The following DOCK10 variants were observed in gnomAD, a reference collection of about 807,000 sequenced individuals.
DOCK10 encodes the protein dedicator of cytokinesis 10.
Under a neutral mutation model 280.1 loss-of-function variants are expected in DOCK10, and 145 were observed. That is an observed-to-expected ratio of 0.52 (90% confidence interval 0.45 to 0.59). The LOEUF is 0.59. DOCK10 is among the 20% of genes least tolerant of loss of function. The pLI, the probability that DOCK10 is intolerant of heterozygous loss-of-function variation, is 0.00. For synonymous variants in DOCK10, 915 were observed against 942.2 expected, an observed-to-expected ratio of 0.97 and a Z score of 0.53; for missense variants, 2,368 against 2,651.7, an observed-to-expected ratio of 0.89 and a Z score of 2.35.
chr2:224,905,435 G>A (rs59461052), intron 3 of DOCK10, among the ~76,000 whole-genome samples: 20,337 of 151,078 alleles, frequency 0.13, 3,765 homozygotes, highest in African/African-American at 0.43. Context: ...ATTTTTAGTA[G>A]AGACGGGGTT....
Position 225,019,816 on chromosome 2 carries a change from A to T in DOCK10, c.123+22436T>A, listed in dbSNP as rs548252223. Among the ~76,000 whole-genome samples, 7 of 152,280 alleles carry T rather than the reference A, an allele frequency of 4.6e-5. No individual in the cohort carries two copies. In the East Asian group the frequency reaches 1.4e-3, roughly 29 times the overall value. ...TCATTATACAAAGCATGGTCTACTG[A>T]TTTCATGATTCTTAAGTTAAAAATC... On this transcript the variant is annotated intron_variant, in intron 1 of 55. Transcript: ENST00000258390.
Position 224,805,186 on chromosome 2 carries a change from A to C in DOCK10, c.4051+20T>G, listed in dbSNP as rs373453961. ...GTTTTCTTTTTCCTTTTTTCAAAAAAATTAAAGAATTCTCTTTACCGTACG... is the reference window on the plus strand; with the variant it reads ...GTTTTCTTTTTCCTTTTTTCAAAAACATTAAAGAATTCTCTTTACCGTACG... On this transcript the variant is annotated intron_variant, in intron 36 of 55. Coordinates refer to ENST00000258390, the MANE Select transcript of DOCK10 (RefSeq NM_014689.3). This position sits in a 1 kb window ranked among gnomAD's most constrained non-coding sequence, Gnocchi z 4.3. 6.2e-7 allele frequency: 1 copy of C among 1,600,218 alleles called. No homozygotes were observed. The highest frequency in any genetic ancestry group is 1.4e-5 in the African/African-American group (1 of 73,638).
chr2:225,001,433 G>A (rs1381611674), intron 1 of DOCK10, among the ~76,000 whole-genome samples: 2 of 151,886 alleles, frequency 1.3e-5, no homozygotes, highest in Non-Finnish European at 2.9e-5. Context: ...GGGACTACAG[G>A]TGCCCGCCAC....
At chr2:225,036,274 A>T (rs540920727) in intron 1 of DOCK10, among the ~76,000 whole-genome samples, 171 of 152,256 alleles carry the variant, frequency 1.1e-3, no homozygotes, top group African/African-American at 4.0e-3. Context: ...GATGGAGGAG[A>T]GAATATAACA....
At chr2:224,835,180 A>T (rs1296114076) in intron 25 of DOCK10, among the ~76,000 whole-genome samples, 1 of 152,244 alleles carries the variant, frequency 6.6e-6, no homozygotes, top group East Asian at 1.9e-4. Context: ...GATGAAGTTA[A>T]TGGATGCATG....
chr2:224,856,300 T>C (rs1697142362), intron 15 of DOCK10, among the ~76,000 whole-genome samples: 1 of 152,184 alleles, frequency 6.6e-6, no homozygotes, highest in Non-Finnish European at 1.5e-5. Flanking sequence ...AAGAGTTTTT[T>C]TTTTATGTTT....
chr2:224,929,826 G>T (rs1388699247), intron 2 of DOCK10, among the ~76,000 whole-genome samples: 2 of 152,134 alleles, frequency 1.3e-5, no homozygotes, highest in Non-Finnish European at 2.9e-5. Context: ...CCTTGAAGTA[G>T]CATTTGACAT....
rs568083332 is a variant in DOCK10, at chr2:225,039,564, G to A, written c.123+2688C>T. On this transcript the variant is annotated intron_variant, in intron 1 of 55. Transcript: ENST00000258390. ...AAAAACTGACATCAAATTTGCTTTG[G>A]CATACACCTGTATTGTCCTCAACAA... Among the ~76,000 whole-genome samples the A allele has an allele frequency of 2.6e-5, 4 of 152,184 alleles. No homozygotes were observed. The South Asian group carries it at 8.3e-4, about 32-fold the overall frequency.
intron 1 of DOCK10, among the ~76,000 whole-genome samples, chr2:224,975,355 T>C (rs973695766): frequency 6.6e-6 from 1 of 152,206 alleles, no homozygotes; most frequent in East Asian, 1.9e-4. Flanking sequence ...CTCCATGTTA[T>C]ACCCATTTAT....
In DOCK10 at chr2:225,042,430, C is replaced by A; in HGVS notation, c.-56G>T. Reference sequence around the variant, plus strand: ...GGGGCGCGCCTCCCGCCGGTCTTCCCCGCGCCAACCTTCTCTATCCACCCG... The same window carrying A: ...GGGGCGCGCCTCCCGCCGGTCTTCCACGCGCCAACCTTCTCTATCCACCCG... On this transcript the variant is annotated 5_prime_UTR_variant, in exon 1 of 56. Transcript: ENST00000258390. This position sits in a 1 kb window ranked among gnomAD's most constrained non-coding sequence, Gnocchi z 5.1. 1 of 1,228,566 alleles carries A rather than the reference C, an allele frequency of 8.1e-7. No individual in the cohort carries two copies. Among genetic ancestry groups the A allele is most frequent in the Non-Finnish European group, 1.0e-6 (1 of 983,506 alleles). The allele number at this position is 1,228,566 out of a possible 1,614,324, so 76.1% of individuals were successfully genotyped here. A position where few individuals can be genotyped will look rare whatever the true frequency, so the allele number is the denominator to read the frequency against.
intron 1 of DOCK10, among the ~76,000 whole-genome samples, chr2:224,953,937 G>A (rs1288771106): frequency 1.3e-5 from 2 of 152,116 alleles, no homozygotes; most frequent in African/African-American, 2.4e-5. Context: ...CAGAGTGTGT[G>A]TGTGTGTGTG....
intron 3 of DOCK10, among the ~76,000 whole-genome samples, chr2:224,914,674 T>C (rs1472735246): frequency 1.3e-5 from 2 of 152,088 alleles, no homozygotes; most frequent in African/African-American, 2.4e-5. Context: ...ACACCATCTT[T>C]CATAAAGGAT....
intron 1 of DOCK10, among the ~76,000 whole-genome samples, chr2:224,997,750 C>T (rs1706315011): frequency 6.6e-6 from 1 of 152,066 alleles, no homozygotes; most frequent in African/African-American, 2.4e-5. Flanking sequence ...AAATTGAAGT[C>T]CAGGGCTATG....
At chr2:224,812,801 G>C (rs540208630) in intron 31 of DOCK10, among the ~76,000 whole-genome samples, 3 of 152,236 alleles carry the variant, frequency 2.0e-5, no homozygotes, top group South Asian at 4.1e-4. Context: ...ATTGATTTGC[G>C]TATGTTGAAC....
rs201977468 is a variant in DOCK10 at position 224,974,791 on chromosome 2, CTA to C, written c.124-43125_124-43124del. On this transcript the variant is annotated intron_variant, in intron 1 of 55. Coordinates refer to ENST00000258390, the MANE Select transcript of DOCK10 (RefSeq NM_014689.3). Reference sequence around the variant, plus strand: ...ATCCACTAAAGGTATAATGTTCTCTCTATATATATCATATATATTATATATAT... The same window carrying C: ...ATCCACTAAAGGTATAATGTTCTCTCTATATATCATATATATTATATATAT... Among the ~76,000 whole-genome samples the C allele has an allele frequency of 9.2e-3, 760 of 82,232 alleles. 21 individuals carry two copies. The highest frequency in any genetic ancestry group is 0.018 in the Non-Finnish European group (511 of 29,054). The allele number at this position is 82,232 out of a possible 152,430, so 53.9% of individuals were successfully genotyped here.
chr2:224,796,500 G>T, intron 43 of DOCK10, 74 bp from the exon 44 acceptor site: 1 of 900,780 alleles, frequency 1.1e-6, no homozygotes. Flanking sequence ...ACTGGGCTGG[G>T]TAAATGTATT....
chr2:224,975,980 C>T (rs1705414180), intron 1 of DOCK10, among the ~76,000 whole-genome samples: 2 of 152,064 alleles, frequency 1.3e-5, no homozygotes, highest in Non-Finnish European at 1.5e-5. Flanking sequence ...AAATCACCTC[C>T]CTATATTGCT....
At chr2:225,020,545 A>G (rs1689758249) in intron 1 of DOCK10, among the ~76,000 whole-genome samples, 1 of 152,244 alleles carries the variant, frequency 6.6e-6, no homozygotes, top group African/African-American at 2.4e-5. Flanking sequence ...CAAAAGTGAC[A>G]TTGATTGCTA....
intron 11 of DOCK10, among the ~76,000 whole-genome samples, chr2:224,870,246 G>GT (rs1420766559): frequency 6.6e-6 from 1 of 152,116 alleles, no homozygotes; most frequent in Non-Finnish European, 1.5e-5. Flanking sequence ...CATGATGATT[G>GT]TAAGTTTCTT....
Sources: allele counts gnomAD v4.1 joint callset (sites outside exome capture counted in the v4.1 genomes callset), GRCh38; gene constraint gnomAD v4.1.1; non-coding constraint Gnocchi (gnomAD v3.1); transcripts MANE v1.5; gene names NCBI Gene and HGNC (gene_info 2026-07-23, HGNC 2026-07-21).